Variants in CADM2 observed in about 807,000 individuals in gnomAD.
CADM2 encodes the protein immunoglobulin superfamily member 4D.
A neutral mutation model predicts 49.8 loss-of-function variants in CADM2; 12 were observed. The observed-to-expected ratio is 0.24, with a 90% confidence interval of 0.15 to 0.39. The LOEUF (loss-of-function observed/expected upper bound fraction) is 0.39. CADM2 is among the 10% of genes least tolerant of loss of function. The pLI is 1.00. For missense variants in CADM2, 378 were observed against 492.3 expected (o/e 0.77, Z 2.20); for synonymous variants, 214 against 175.4 (o/e 1.22, Z -1.74).
intron 1 of CADM2, among the ~76,000 whole-genome samples, chr3:85,518,548 T>C (rs745754348): frequency 6.6e-6 from 1 of 152,184 alleles, no homozygotes. Context: ...TTCACAGTTC[T>C]GGGAGCTGGA....
chr3:85,492,252 C>A (rs903011050), intron 1 of CADM2, among the ~76,000 whole-genome samples: 1 of 151,992 alleles, frequency 6.6e-6, no homozygotes, highest in Admixed American at 6.6e-5. Context: ...AATTTGTTCC[C>A]TTTCTTTTTG....
At chr3:85,635,220 C>T (rs1459293234) in intron 1 of CADM2, among the ~76,000 whole-genome samples, 1 of 152,022 alleles carries the variant, frequency 6.6e-6, no homozygotes, top group African/African-American at 2.4e-5. Flanking sequence ...CACATCATGC[C>T]TGATGCACAA....
intron 3 of CADM2, among the ~76,000 whole-genome samples, chr3:85,861,207 G>A (rs1430687288): frequency 6.6e-6 from 1 of 152,154 alleles, no homozygotes; most frequent in East Asian, 1.9e-4. Context: ...AAATCCAGGT[G>A]AGAAATACTT....
chr3:85,296,869 A>C (rs1220381244), intron 1 of CADM2, among the ~76,000 whole-genome samples: 1 of 152,100 alleles, frequency 6.6e-6, no homozygotes, highest in Non-Finnish European at 1.5e-5. Flanking sequence ...TTCAAGACCC[A>C]ATGCATGAAA....
chr3:85,290,075 TG>T (rs780023792), intron 1 of CADM2, among the ~76,000 whole-genome samples: 2 of 152,088 alleles, frequency 1.3e-5, no homozygotes, highest in Non-Finnish European at 2.9e-5. Context: ...CGCAGGTCAG[TG>T]GGTGTGTGCA....
intron 1 of CADM2, among the ~76,000 whole-genome samples, chr3:85,183,177 T>C (rs1175928570): frequency 6.6e-6 from 1 of 152,134 alleles, no homozygotes; most frequent in Non-Finnish European, 1.5e-5. Context: ...ATTAAGGCAT[T>C]AGAGGCTAAA....
intron 1 of CADM2, among the ~76,000 whole-genome samples, chr3:85,379,633 G>C (rs1262936546): frequency 6.6e-6 from 1 of 151,932 alleles, no homozygotes; most frequent in Admixed American, 6.6e-5. Flanking sequence ...CCAGTAAAGA[G>C]AATAGCCTTC....
At chr3:85,594,798 C>T (rs1240120534) in intron 1 of CADM2, among the ~76,000 whole-genome samples, 1 of 152,020 alleles carries the variant, frequency 6.6e-6, no homozygotes, top group East Asian at 1.9e-4. Context: ...CTAGCCTCTA[C>T]ATTCTGTTGT....
chr3:85,730,666 CT>C (rs1202537831), intron 2 of CADM2, among the ~76,000 whole-genome samples: 1 of 151,860 alleles, frequency 6.6e-6, no homozygotes, highest in Non-Finnish European at 1.5e-5. Flanking sequence ...CTTAAAATTT[CT>C]TTGTATAAAA....
chr3:85,245,229 T>C (rs1211822859), intron 1 of CADM2, among the ~76,000 whole-genome samples: 2 of 152,092 alleles, frequency 1.3e-5, no homozygotes, highest in South Asian at 2.1e-4. Flanking sequence ...AGAGACTAAA[T>C]TGTCAACTAA....
intron 1 of CADM2, among the ~76,000 whole-genome samples, chr3:85,305,025 C>T (rs1452471055): frequency 2.0e-5 from 3 of 151,620 alleles, no homozygotes; most frequent in Non-Finnish European, 4.4e-5. Flanking sequence ...TGACAGTTTA[C>T]AGAACATTTT....
chr3:84,999,770 G>A (rs946882720), intron 1 of CADM2, among the ~76,000 whole-genome samples: 3 of 152,192 alleles, frequency 2.0e-5, no homozygotes, highest in Non-Finnish European at 2.9e-5. Flanking sequence ...AAGTTTTATT[G>A]AGTAGGCAAA....
At chr3:84,969,081 AGG>A (rs1250632156) in intron 1 of CADM2, among the ~76,000 whole-genome samples, 2 of 152,102 alleles carry the variant, frequency 1.3e-5, no homozygotes, top group Non-Finnish European at 2.9e-5. Flanking sequence ...TCACTTAACA[AGG>A]GGGATACTTT....
chr3:85,703,681 G>A (rs1473634581), intron 1 of CADM2, among the ~76,000 whole-genome samples: 1 of 152,176 alleles, frequency 6.6e-6, no homozygotes, highest in African/African-American at 2.4e-5. Flanking sequence ...TTCCTAGACA[G>A]GAGGAGAGAA....
chr3:85,408,578 C>T (rs1440051682), intron 1 of CADM2, among the ~76,000 whole-genome samples: 2 of 152,074 alleles, frequency 1.3e-5, no homozygotes, highest in Non-Finnish European at 2.9e-5. Flanking sequence ...TTAGATTTCC[C>T]ACAATTCCTA....
intron 1 of CADM2, among the ~76,000 whole-genome samples, chr3:85,581,911 TTTTTGTTTTGTTTTG>T (rs146275697): frequency 5.3e-5 from 8 of 150,292 alleles, no homozygotes; most frequent in African/African-American, 1.2e-4. Flanking sequence ...TTTGAAGTGT[TTTTTGTTTTGTTTTG>T]TTTTGTTTTG....
intron 1 of CADM2, among the ~76,000 whole-genome samples, chr3:84,993,328 C>G (rs2032997776): frequency 6.6e-6 from 1 of 152,038 alleles, no homozygotes; most frequent in African/African-American, 2.4e-5. Context: ...ATTTTGATGC[C>G]CATTGCTAGT....
At chr3:85,078,772 G>T (rs2037049109) in intron 1 of CADM2, among the ~76,000 whole-genome samples, 1 of 151,508 alleles carries the variant, frequency 6.6e-6, no homozygotes, top group Non-Finnish European at 1.5e-5. Flanking sequence ...TCAAGTATAT[G>T]CAGGTCATAA....
chr3:85,258,430 G>T (rs1395947655), intron 1 of CADM2, among the ~76,000 whole-genome samples: 3 of 151,642 alleles, frequency 2.0e-5, no homozygotes, highest in Non-Finnish European at 4.4e-5. Context: ...AAAGAGTCCA[G>T]TTCACACCTT....
Sources: gnomAD v4.1 joint callset for allele counts (sites outside exome capture counted in the v4.1 genomes callset) on GRCh38, gnomAD v4.1.1 for gene constraint, MANE v1.5 for transcripts, NCBI Gene and HGNC (gene_info 2026-07-23, HGNC 2026-07-21) for gene names.